RXRA: variants seen among roughly 807,000 people sequenced by gnomAD.
RXRA encodes retinoid X receptor alpha.
In RXRA, 5 loss-of-function variants were observed where a neutral mutation model predicts 44.5. The ratio of observed to expected loss-of-function variants is 0.11; its 90% CI spans 0.06 to 0.24. RXRA has a LOEUF of 0.24. Ranked by LOEUF, RXRA falls within the 10% of genes least tolerant of loss-of-function variation. RXRA has a pLI of 1.00. For missense variants in RXRA, 412 were observed against 646.5 expected, an observed-to-expected ratio of 0.64 and a Z score of 3.93; for synonymous variants, 291 against 271.4, an observed-to-expected ratio of 1.07 and a Z score of -0.71.
At chr9:134,434,642 G>A (rs574417003) in intron 9 of RXRA, among the ~76,000 whole-genome samples, 4 of 152,336 alleles carry the variant, frequency 2.6e-5, no homozygotes, top group South Asian at 4.1e-4. Flanking sequence ...AGGCGGTCAC[G>A]GCCTGAGCGT....
At chr9:134,348,192 C>A (rs1830177868) in intron 1 of RXRA, among the ~76,000 whole-genome samples, 1 of 152,078 alleles carries the variant, frequency 6.6e-6, no homozygotes, top group African/African-American at 2.4e-5. Flanking sequence ...CATGCAGGAC[C>A]CCTGGCAGGT....
At position 134,343,959 on chromosome 9, in the gene RXRA, C is replaced by A. The variant is rs1165291474; in HGVS notation, c.28+17300C>A. ...GTGGGCATCTCCCCATAGGCCCTCC[C>A]CACAGGATGCAGCCCTTCCTCATGG... On this transcript the variant is annotated intron_variant, in intron 1 of 9. Coordinates refer to ENST00000481739, the MANE Select transcript of RXRA (RefSeq NM_002957.6). This position sits in a 1 kb window ranked among gnomAD's most constrained non-coding sequence, Gnocchi z 4.1. 1.3e-5 allele frequency among the ~76,000 whole-genome samples: 2 copies of A among 152,156 alleles called. No individual in the cohort carries two copies. The highest frequency in any genetic ancestry group is 2.9e-5 in the Non-Finnish European group (2 of 68,014).
intron 1 of RXRA, among the ~76,000 whole-genome samples, chr9:134,380,749 C>T (rs1655005387): frequency 6.6e-6 from 1 of 152,108 alleles, no homozygotes; most frequent in Admixed American, 6.5e-5. Flanking sequence ...AGCACCTTTC[C>T]AGTTCCCCGG....
intron 6 of RXRA, chr9:134,422,032 A>G: frequency 3.8e-6 from 5 of 1,326,966 alleles, no homozygotes; most frequent in South Asian, 1.6e-5. Flanking sequence ...CCCTCCCTGG[A>G]TGCTCCCATC....
intron 4 of RXRA, among the ~76,000 whole-genome samples, chr9:134,415,538 C>T (rs1160230419): frequency 1.3e-5 from 2 of 152,136 alleles, no homozygotes; most frequent in Non-Finnish European, 2.9e-5. Context: ...AGGTGTTCTG[C>T]CCACCATCGA....
At chr9:134,422,108 A>C (rs1179494008) in intron 6 of RXRA, 2 of 1,322,828 alleles carry the variant, frequency 1.5e-6, no homozygotes, top group East Asian at 9.1e-5. Context: ...CCTGGGACAC[A>C]CTTCTACCTC....
intron 9 of RXRA, among the ~76,000 whole-genome samples, chr9:134,435,777 C>A (rs1423022569): frequency 3.9e-5 from 6 of 152,182 alleles, no homozygotes; most frequent in Admixed American, 3.3e-4. Flanking sequence ...GCAGCCCTTT[C>A]CCTTACAAGC....
chr9:134,353,967 G>A (rs1288557158), intron 1 of RXRA, among the ~76,000 whole-genome samples: 2 of 152,186 alleles, frequency 1.3e-5, no homozygotes, highest in Non-Finnish European at 2.9e-5. Flanking sequence ...AAGGGTGCCT[G>A]GTAGCTGTTC....
intron 8 of RXRA, 39 bp downstream of exon 8, chr9:134,432,035 C>G (rs750062358): frequency 7.8e-6 from 12 of 1,537,712 alleles, no homozygotes; most frequent in Non-Finnish European, 1.1e-5. Context: ...GCCCCGTTCT[C>G]TGGTGGGGCA....
intron 1 of RXRA, among the ~76,000 whole-genome samples, chr9:134,331,025 C>T (rs1244056669): frequency 1.3e-5 from 2 of 152,268 alleles, no homozygotes; most frequent in East Asian, 3.9e-4. Flanking sequence ...TCGCTGGGGG[C>T]TGTCAGGTGT....
chr9:134,434,873 C>T (rs929784858), intron 9 of RXRA, among the ~76,000 whole-genome samples: 1 of 108,910 alleles, frequency 9.2e-6, no homozygotes, highest in Non-Finnish European at 1.8e-5. Context: ...GGGAGGGGGT[C>T]GGGGGAGGTG....
chr9:134,337,100 C>T (rs940620662), intron 1 of RXRA, among the ~76,000 whole-genome samples: 23 of 152,280 alleles, frequency 1.5e-4, no homozygotes, highest in African/African-American at 3.9e-4. Flanking sequence ...TGGCTGCCAC[C>T]GGCTGCTGGA....
Position 134,426,107 on chromosome 9 carries a change from C to G in RXRA, c.911-3001C>G. 1 of 985,410 alleles carries G rather than the reference C, an allele frequency of 1.0e-6. No individual in the cohort carries two copies. The highest frequency in any genetic ancestry group is 1.2e-6 in the Non-Finnish European group (1 of 829,916). The allele number at this position is 985,410 out of a possible 1,614,324, so 61.0% of individuals were successfully genotyped here. On this transcript the variant is annotated intron_variant, in intron 6 of 9. Transcript: ENST00000481739. The surrounding 1 kb of genome is among the most constrained non-coding windows in gnomAD (Gnocchi z 4.6). ...TAAGTTCCTTGGGAAGGGCCAGCCT[C>G]TTGAGTTGGAGGACATAGTGACCAA...
At chr9:134,398,529 G>A (rs1455333528) in intron 1 of RXRA, among the ~76,000 whole-genome samples, 1 of 152,186 alleles carries the variant, frequency 6.6e-6, no homozygotes, top group Non-Finnish European at 1.5e-5. Flanking sequence ...TGTCTGCTAT[G>A]GACGGAGTCT....
Position 134,417,560 on chromosome 9 carries a change from A to AGGGGCCAGGGGCCC in RXRA, c.780+240_780+253dup. 6.6e-6 allele frequency among the ~76,000 whole-genome samples: 1 copy of AGGGGCCAGGGGCCC among 152,080 alleles called. No individual in the cohort carries two copies. The highest frequency in any genetic ancestry group is 1.5e-5 in the Non-Finnish European group (1 of 67,950). On this transcript the variant is annotated intron_variant, in intron 5 of 9. Transcript: ENST00000481739. This position sits in a 1 kb window ranked among gnomAD's most constrained non-coding sequence, Gnocchi z 6.1. ...ACGAGTAGCCCATGGGGCAGGGGCC[A>AGGGGCCAGGGGCCC]GGGGCCAGGGGCCCGGGGCCTGGGG...
chr9:134,328,811 G>A (rs540505843), intron 1 of RXRA, among the ~76,000 whole-genome samples: 2 of 152,302 alleles, frequency 1.3e-5, no homozygotes, highest in Admixed American at 1.3e-4. Flanking sequence ...CGCTTTTGGG[G>A]TCTGGGGTAG....
chr9:134,335,703 C>G (rs1829991747), intron 1 of RXRA, among the ~76,000 whole-genome samples: 1 of 152,188 alleles, frequency 6.6e-6, no homozygotes, highest in Non-Finnish European at 1.5e-5. Context: ...GGCCTGATGT[C>G]CCCTCTCCTT....
chr9:134,402,043 G>C (rs1287266423), intron 2 of RXRA, 161 bp downstream of exon 2: 1 of 655,258 alleles, frequency 1.5e-6, no homozygotes, highest in South Asian at 2.1e-5. Flanking sequence ...AGAGTGCCGT[G>C]GGGGTTTGAG....
At chr9:134,396,044 C>T (rs1044667882) in intron 1 of RXRA, among the ~76,000 whole-genome samples, 13 of 152,198 alleles carry the variant, frequency 8.5e-5, no homozygotes, top group Non-Finnish European at 1.3e-4. Flanking sequence ...CCCACCCCGC[C>T]GAGGGCCCGT....
Sources: gnomAD v4.1 joint callset for allele counts (sites outside exome capture counted in the v4.1 genomes callset) on GRCh38, gnomAD v4.1.1 for gene constraint, Gnocchi (gnomAD v3.1) non-coding constraint, MANE v1.5 for transcripts, NCBI Gene and HGNC (gene_info 2026-07-23, HGNC 2026-07-21) for gene names.